The following RBFOX1 variants were observed in gnomAD, a reference collection of about 807,000 sequenced individuals.
The protein encoded by RBFOX1 is RNA binding protein fox-1 homolog 1.
Under a neutral mutation model 57.7 loss-of-function variants are expected in RBFOX1, and 8 were observed. The observed-to-expected ratio is 0.14, with a 90% CI of 0.08 to 0.25. The LOEUF is 0.25. RBFOX1 is among the 10% of genes least tolerant of loss of function. The pLI is 1.00. For synonymous variants in RBFOX1, 326 were observed against 222.4 expected (o/e 1.47, Z -4.15); for missense variants, 611 against 548.5 (o/e 1.11, Z -1.14).
intron 11 of RBFOX1, among the ~76,000 whole-genome samples, chr16:7,635,522 C>G (rs1220554724): frequency 6.6e-6 from 1 of 151,888 alleles, no homozygotes; most frequent in Non-Finnish European, 1.5e-5. Flanking sequence ...TATCTTTCTA[C>G]ATTTTCTCCG....
chr16:6,925,432 T>C (rs1216456030), intron 3 of RBFOX1, among the ~76,000 whole-genome samples: 2 of 150,196 alleles, frequency 1.3e-5, no homozygotes, highest in Non-Finnish European at 3.0e-5. Flanking sequence ...GCCTATCCTT[T>C]TTAATGCGAC....
chr16:7,707,927 C>G (rs577588952), intron 14 of RBFOX1, among the ~76,000 whole-genome samples: 2 of 152,162 alleles, frequency 1.3e-5, no homozygotes, highest in East Asian at 3.8e-4. Flanking sequence ...CAAGGAAGGA[C>G]GTCAGCTTCA....
At chr16:5,652,670 C>T (rs1391709961) in intron 3 of RBFOX1, among the ~76,000 whole-genome samples, 1 of 152,154 alleles carries the variant, frequency 6.6e-6, no homozygotes, top group African/African-American at 2.4e-5. Context: ...AAAATGGGTG[C>T]AGGAACCCAG....
chr16:7,351,104 A>C (rs764419029), intron 4 of RBFOX1, among the ~76,000 whole-genome samples: 8 of 152,180 alleles, frequency 5.3e-5, no homozygotes, highest in Admixed American at 1.3e-4. Context: ...GAAGTAGAGA[A>C]GGCCCCTTGG....
chr16:7,450,653 C>T (rs765693881), intron 4 of RBFOX1, among the ~76,000 whole-genome samples: 14 of 151,832 alleles, frequency 9.2e-5, no homozygotes, highest in East Asian at 1.9e-4. Context: ...TTCACTTTTC[C>T]GCCTGATTTA....
chr16:6,361,989 G>C (rs2088633798), intron 2 of RBFOX1, among the ~76,000 whole-genome samples: 1 of 152,060 alleles, frequency 6.6e-6, no homozygotes, highest in South Asian at 2.1e-4. Context: ...ATACAGCTGA[G>C]AAGAAAACAA....
At chr16:6,956,801 GCAGA>G (rs957834591) in intron 3 of RBFOX1, among the ~76,000 whole-genome samples, 81 of 152,296 alleles carry the variant, frequency 5.3e-4, no homozygotes, top group African/African-American at 1.9e-3. Flanking sequence ...TCATGTGGTT[GCAGA>G]CAGAGAGCAG....
intron 3 of RBFOX1, among the ~76,000 whole-genome samples, chr16:7,002,073 G>T (rs1024952025): frequency 6.6e-6 from 1 of 151,928 alleles, no homozygotes; most frequent in Non-Finnish European, 1.5e-5. Flanking sequence ...ATTCCTGGGG[G>T]ACTTTGCTCT....
Position 5,248,434 on chromosome 16 carries a change from A to G in RBFOX1, c.219+8329A>G, listed in dbSNP as rs1427904221. Among the ~76,000 whole-genome samples the G allele has an allele frequency of 2.6e-5, 4 of 152,322 alleles. No homozygotes were observed. The East Asian group carries it at 7.7e-4, about 29-fold the overall frequency. Reference sequence around the variant, plus strand: ...TCCCCAGGGCCTCTGAGAGCCCTGTATTCTGGGGGCAGCCTTTCCCCTTCT... The same window carrying G: ...TCCCCAGGGCCTCTGAGAGCCCTGTGTTCTGGGGGCAGCCTTTCCCCTTCT... On this transcript the variant is annotated intron_variant, in intron 1 of 2. Coordinates refer to the RBFOX1 transcript ENST00000585867.
intron 1 of RBFOX1, among the ~76,000 whole-genome samples, chr16:5,409,439 T>A (rs967555306): frequency 6.6e-6 from 1 of 152,242 alleles, no homozygotes. Flanking sequence ...TTTTTCCCTC[T>A]TAACAACAAT....
chr16:6,897,406 C>T (rs547168136), intron 3 of RBFOX1, among the ~76,000 whole-genome samples: 13 of 151,516 alleles, frequency 8.6e-5, no homozygotes, highest in Non-Finnish European at 1.9e-4. Flanking sequence ...CCGTCACACA[C>T]ACACAAAAGG....
At chr16:6,328,412 C>G (rs2082624782) in intron 2 of RBFOX1, among the ~76,000 whole-genome samples, 1 of 152,034 alleles carries the variant, frequency 6.6e-6, no homozygotes, top group Non-Finnish European at 1.5e-5. Context: ...GCCACCTGTT[C>G]CCCCCAAAAA....
At chr16:5,933,524 C>G in intron 4 of RBFOX1, among the ~76,000 whole-genome samples, 1 of 152,296 alleles carries the variant, frequency 6.6e-6, no homozygotes, top group South Asian at 2.1e-4. Flanking sequence ...AAAACGGATG[C>G]TCCTGCAGGG....
upstream of RBFOX1, among the ~76,000 whole-genome samples, chr16:6,015,916 A>T (rs1359473478): frequency 6.6e-6 from 1 of 152,322 alleles, no homozygotes; most frequent in East Asian, 1.9e-4. Context: ...TCTAGTTTAT[A>T]TACTAAATGG....
chr16:6,744,079 C>G (rs556783922), intron 3 of RBFOX1, among the ~76,000 whole-genome samples: 11 of 151,990 alleles, frequency 7.2e-5, no homozygotes, highest in African/African-American at 2.2e-4. Flanking sequence ...CTAAAGAATA[C>G]TGAAGTAACT....
At chr16:7,037,000 C>A (rs1414583925) in intron 3 of RBFOX1, among the ~76,000 whole-genome samples, 1 of 152,106 alleles carries the variant, frequency 6.6e-6, no homozygotes, top group African/African-American at 2.4e-5. Context: ...GTTGCCATGG[C>A]ATTTATAAAC....
chr16:7,612,614 T>C (rs7196333), intron 10 of RBFOX1, among the ~76,000 whole-genome samples: 1 of 150,928 alleles, frequency 6.6e-6, no homozygotes, highest in Non-Finnish European at 1.5e-5. Context: ...AATAAAAAAA[T>C]ATATATATAT....
intron 1 of RBFOX1, among the ~76,000 whole-genome samples, chr16:6,300,866 G>A (rs1316713354): frequency 6.6e-6 from 1 of 152,044 alleles, no homozygotes; most frequent in Non-Finnish European, 1.5e-5. Flanking sequence ...CCTTCTATTA[G>A]CTATTATTAA....
chr16:6,415,789 A>G (rs1412826282), intron 2 of RBFOX1, among the ~76,000 whole-genome samples: 1 of 152,230 alleles, frequency 6.6e-6, no homozygotes, highest in African/African-American at 2.4e-5. Flanking sequence ...GATATCTGTG[A>G]GATACACAAA....
Sources: allele counts gnomAD v4.1 joint callset (sites outside exome capture counted in the v4.1 genomes callset), GRCh38; gene constraint gnomAD v4.1.1; transcripts MANE v1.5; gene names NCBI Gene and HGNC (gene_info 2026-07-23, HGNC 2026-07-21).